ZFYVE28: variants seen among roughly 807,000 people sequenced by gnomAD.
ZFYVE28 encodes the protein zinc finger FYVE-type containing 28.
A neutral mutation model predicts 82.1 loss-of-function variants in ZFYVE28; 40 were observed. The ratio of observed to expected loss-of-function variants is 0.49; its 90% CI spans 0.38 to 0.63. The LOEUF (loss-of-function observed/expected upper bound fraction) is 0.63, where lower values mean the gene tolerates loss of function less well. ZFYVE28 is among the 30% of genes least tolerant of loss of function. The pLI, the probability that ZFYVE28 is intolerant of heterozygous loss-of-function variation, is 0.00. For missense variants in ZFYVE28, 1,321 were observed against 1,242.1 expected (o/e 1.06, Z -0.96); for synonymous variants, 612 against 546.1 (o/e 1.12, Z -1.68).
intron 1 of ZFYVE28, among the ~76,000 whole-genome samples, chr4:2,376,379 A>C (rs1233708919): frequency 6.7e-6 from 1 of 148,346 alleles, no homozygotes; most frequent in South Asian, 2.1e-4. Context: ...TCTAAAAAAA[A>C]AAAAAAAAAA....
chr4:2,305,135 A>G lies in ZFYVE28; in HGVS notation c.1205T>C (p.Phe402Ser). Reference sequence around the variant, plus strand: ...TGCCGTCCCCTCCACGTCATCCATGAAGAACACGCGCTCCTCCTCGTCACT... The same window carrying G: ...TGCCGTCCCCTCCACGTCATCCATGGAGAACACGCGCTCCTCCTCGTCACT... ...SGSDEEERVF[F>S]MDDVEGTAEA... is the part of the protein sequence containing the mutation. Residue 402 changes from phenylalanine to serine, a missense_variant, in exon 8 of 13, where the codon TTC becomes TCC. Phe to Ser is a radical substitution (Grantham distance 155). This residue lies in a region of ZFYVE28 where 978 missense variants were observed against 833.7 expected (regional missense o/e 1.17). Coordinates refer to ENST00000290974, the MANE Select transcript of ZFYVE28 (RefSeq NM_020972.3). 1 of 1,590,768 alleles carries G rather than the reference A, an allele frequency of 6.3e-7. No homozygotes were observed. The highest frequency in any genetic ancestry group is 8.6e-7 in the Non-Finnish European group (1 of 1,167,252).
chr4:2,403,537 A>G (rs1478402589), intron 1 of ZFYVE28, among the ~76,000 whole-genome samples: 1 of 152,134 alleles, frequency 6.6e-6, no homozygotes, highest in Admixed American at 6.5e-5. Context: ...GAGAAGTGGG[A>G]GTCCTATCAG....
chr4:2,381,278 G>A (rs896308350), intron 1 of ZFYVE28, among the ~76,000 whole-genome samples: 6 of 152,150 alleles, frequency 3.9e-5, no homozygotes, highest in Non-Finnish European at 7.3e-5. Context: ...GATGATTTAG[G>A]GTATCTGCGG....
intron 8 of ZFYVE28, among the ~76,000 whole-genome samples, chr4:2,283,916 G>A (rs551098167): frequency 9.8e-5 from 15 of 152,294 alleles, no homozygotes; most frequent in Admixed American, 9.8e-4. Context: ...TGGTGATGCT[G>A]GGAGAGACCA....
chr4:2,340,784 G>T (rs975239927), intron 3 of ZFYVE28, among the ~76,000 whole-genome samples: 2 of 152,174 alleles, frequency 1.3e-5, no homozygotes, highest in African/African-American at 4.8e-5. Flanking sequence ...CAACCAGGTG[G>T]CTCAGAAGGT....
At chr4:2,346,059 T>A (rs1388493165) in intron 2 of ZFYVE28, among the ~76,000 whole-genome samples, 1 of 151,214 alleles carries the variant, frequency 6.6e-6, no homozygotes, top group Non-Finnish European at 1.5e-5. Flanking sequence ...CCAGGGGCGG[T>A]GGCTCACGCC....
chr4:2,288,805 C>G (rs1232655705), intron 8 of ZFYVE28, among the ~76,000 whole-genome samples: 1 of 151,590 alleles, frequency 6.6e-6, no homozygotes, highest in Non-Finnish European at 1.5e-5. Context: ...CAGTGAGACC[C>G]TGTCTCTACT....
In ZFYVE28 at chr4:2,417,249, C is replaced by G. The variant is rs1029025975; in HGVS notation, c.39+1036G>C. 6.6e-6 allele frequency among the ~76,000 whole-genome samples: 1 copy of G among 152,152 alleles called. No individual in the cohort carries two copies. The highest frequency in any genetic ancestry group is 2.4e-5 in the African/African-American group (1 of 41,454). On this transcript the variant is annotated intron_variant, in intron 1 of 12. Coordinates refer to ENST00000290974, the MANE Select transcript of ZFYVE28 (RefSeq NM_020972.3). The surrounding 1 kb of genome is among the most constrained non-coding windows in gnomAD (Gnocchi z 4.8). ...CAAGATCTCAGGGCCCGGGCCTCCC[C>G]GCTGCGCCGGCCCCAGGGTGCCACC... is the stretch of plus-strand genomic sequence containing the variant.
chr4:2,400,086 G>A (rs938989692), intron 1 of ZFYVE28, among the ~76,000 whole-genome samples: 2 of 152,216 alleles, frequency 1.3e-5, no homozygotes, highest in East Asian at 1.9e-4. Context: ...TCCTCAGGGC[G>A]GGCACAGAAC....
At chr4:2,330,550 G>A (rs1720511141) in intron 6 of ZFYVE28, 1 of 1,175,746 alleles carries the variant, frequency 8.5e-7, no homozygotes, top group Non-Finnish European at 1.1e-6. Context: ...GCATGGAGGA[G>A]GGGACAGCAT....
chr4:2,294,618 AG>A (rs921782860), intron 8 of ZFYVE28, among the ~76,000 whole-genome samples: 2 of 152,254 alleles, frequency 1.3e-5, no homozygotes, highest in African/African-American at 2.4e-5. Flanking sequence ...AAAATTAAAA[AG>A]TTTTGCTCTT....
At chr4:2,288,110 C>T (rs1005778609) in intron 8 of ZFYVE28, among the ~76,000 whole-genome samples, 14 of 152,132 alleles carry the variant, frequency 9.2e-5, no homozygotes, top group African/African-American at 1.9e-4. Context: ...AACACCCCCA[C>T]GACAGCAAGG....
At chr4:2,389,528 G>A (rs1729608896) in intron 1 of ZFYVE28, among the ~76,000 whole-genome samples, 1 of 152,136 alleles carries the variant, frequency 6.6e-6, no homozygotes. Context: ...TACACCCAAG[G>A]GACACATGTA....
chr4:2,333,409 G>A (rs1721044136), intron 6 of ZFYVE28, among the ~76,000 whole-genome samples: 1 of 151,650 alleles, frequency 6.6e-6, no homozygotes, highest in African/African-American at 2.4e-5. Context: ...ACTGAGGTCG[G>A]CAAGCAGGAC....
intron 1 of ZFYVE28, among the ~76,000 whole-genome samples, chr4:2,363,328 A>G (rs1412518605): frequency 6.6e-6 from 1 of 152,074 alleles, no homozygotes; most frequent in Non-Finnish European, 1.5e-5. Flanking sequence ...CGCGGCATCC[A>G]GAGATAGGGA....
At chr4:2,378,044 C>A (rs935134461) in intron 1 of ZFYVE28, among the ~76,000 whole-genome samples, 1 of 152,112 alleles carries the variant, frequency 6.6e-6, no homozygotes, top group Non-Finnish European at 1.5e-5. Context: ...CAGTCAAATA[C>A]GGTTATCCTA....
At chr4:2,352,368 C>A (rs1471272012) in intron 2 of ZFYVE28, among the ~76,000 whole-genome samples, 2 of 151,468 alleles carry the variant, frequency 1.3e-5, no homozygotes, top group African/African-American at 2.4e-5. Flanking sequence ...GGGCGTGGGA[C>A]CCACATGGAG....
intron 8 of ZFYVE28, among the ~76,000 whole-genome samples, chr4:2,296,770 C>T (rs1577950858): frequency 6.6e-6 from 1 of 152,162 alleles, no homozygotes; most frequent in Non-Finnish European, 1.5e-5. Context: ...GGAGCAAGGC[C>T]GGGCTGCCTC....
chr4:2,376,910 A>G (rs1192707051), intron 1 of ZFYVE28, among the ~76,000 whole-genome samples: 2 of 152,076 alleles, frequency 1.3e-5, no homozygotes, highest in African/African-American at 4.8e-5. Context: ...CAGGCAACAG[A>G]GCGAGACCCT....
Sources: allele counts gnomAD v4.1 joint callset (sites outside exome capture counted in the v4.1 genomes callset), GRCh38; gene constraint gnomAD v4.1.1; regional missense constraint gnomAD v4.1.1; non-coding constraint Gnocchi (gnomAD v3.1); transcripts MANE v1.5; gene names NCBI Gene and HGNC (gene_info 2026-07-23, HGNC 2026-07-21).